Variants in CCSER1 observed in about 807,000 individuals in gnomAD.
CCSER1 encodes coiled-coil serine rich protein 1, also known as serine-rich coiled-coil domain-containing protein 1.
A neutral mutation model predicts 82.0 loss-of-function variants in CCSER1; 41 were observed. That is an observed-to-expected ratio of 0.50 (90% CI 0.39 to 0.65). CCSER1 has a LOEUF of 0.65. CCSER1 is among the 30% of genes least tolerant of loss of function. The probability of loss-of-function intolerance (pLI) is 0.00; values close to 1 mark genes in which losing one functional copy is unlikely to be tolerated. For missense variants in CCSER1, 1,119 were observed against 1,064.2 expected (o/e 1.05, Z -0.72); for synonymous variants, 414 against 383.9 (o/e 1.08, Z -0.92).
At chr4:91,329,779 T>C (rs769281977) in intron 10 of CCSER1, among the ~76,000 whole-genome samples, 2 of 152,170 alleles carry the variant, frequency 1.3e-5, no homozygotes, top group Non-Finnish European at 2.9e-5. Context: ...ATATTTCTTA[T>C]GTAAAATTGT....
intron 10 of CCSER1, among the ~76,000 whole-genome samples, chr4:91,201,764 G>A (rs1262797879): frequency 6.6e-6 from 1 of 151,972 alleles, no homozygotes; most frequent in Non-Finnish European, 1.5e-5. Context: ...TGGTATAAGT[G>A]CTATGATGCA....
chr4:90,719,699 A>T (rs1312765867), intron 6 of CCSER1, among the ~76,000 whole-genome samples: 1 of 152,112 alleles, frequency 6.6e-6, no homozygotes, highest in Non-Finnish European at 1.5e-5. Context: ...AAGACCATAG[A>T]TGTGAAGGAT....
chr4:90,281,912 C>T (rs766739828), intron 1 of CCSER1, among the ~76,000 whole-genome samples: 9 of 151,956 alleles, frequency 5.9e-5, no homozygotes, highest in South Asian at 2.1e-4. Flanking sequence ...TGGGAATACC[C>T]GTGATTGACT....
At chr4:91,108,981 G>A (rs1420297430) in intron 10 of CCSER1, among the ~76,000 whole-genome samples, 2 of 152,176 alleles carry the variant, frequency 1.3e-5, no homozygotes, top group African/African-American at 2.4e-5. Flanking sequence ...GAATGAAAAG[G>A]CAGAAGAAAG....
chr4:91,359,125 G>T (rs768936853), intron 10 of CCSER1, among the ~76,000 whole-genome samples: 1 of 148,174 alleles, frequency 6.7e-6, no homozygotes, highest in Non-Finnish European at 1.5e-5. Flanking sequence ...ACATGAAAGG[G>T]TCGTGATTGA....
At chr4:91,179,017 A>T (rs974440913) in intron 10 of CCSER1, among the ~76,000 whole-genome samples, 2 of 152,176 alleles carry the variant, frequency 1.3e-5, no homozygotes, top group African/African-American at 2.4e-5. Context: ...ATCTCTCAGC[A>T]TTTGCTTGTC....
chr4:90,219,761 C>T (rs1170417166), intron 1 of CCSER1, among the ~76,000 whole-genome samples: 1 of 152,134 alleles, frequency 6.6e-6, no homozygotes, highest in African/African-American at 2.4e-5. Context: ...GTTTTGATAT[C>T]ACTCTTGTAC....
chr4:90,165,036 A>G (rs776024765), intron 1 of CCSER1, among the ~76,000 whole-genome samples: 1 of 152,042 alleles, frequency 6.6e-6, no homozygotes, highest in African/African-American at 2.4e-5. Context: ...CACTGATGAC[A>G]TTTCTATCTT....
intron 7 of CCSER1, among the ~76,000 whole-genome samples, chr4:90,796,412 TA>T (rs1756038683): frequency 1.0e-5 from 1 of 100,294 alleles, no homozygotes; most frequent in African/African-American, 4.7e-5. Context: ...TCTATTGTAC[TA>T]AATTTAAAAA....
intron 1 of CCSER1, among the ~76,000 whole-genome samples, chr4:90,198,217 T>G (rs1229547304): frequency 6.6e-6 from 1 of 152,186 alleles, no homozygotes; most frequent in Non-Finnish European, 1.5e-5. Flanking sequence ...TGAAGTTGTG[T>G]GGGTGGGTGG....
intron 8 of CCSER1, among the ~76,000 whole-genome samples, chr4:90,822,284 A>G (rs944142386): frequency 4.6e-5 from 7 of 152,332 alleles, no homozygotes; most frequent in South Asian, 2.1e-4. Context: ...GGATAATCAC[A>G]TTACTAAATG....
At chr4:90,142,083 C>G (rs910145378) in intron 1 of CCSER1, among the ~76,000 whole-genome samples, 3 of 152,144 alleles carry the variant, frequency 2.0e-5, no homozygotes, top group African/African-American at 7.2e-5. Context: ...TAATGCCTTC[C>G]TATTCCAAAA....
rs563315026 is a variant in CCSER1 at position 91,466,450 on chromosome 4, G to T, written c.2218-132122G>T. Among the ~76,000 whole-genome samples the T allele has an allele frequency of 1.9e-4, 29 of 152,258 alleles. No homozygotes were observed. In the South Asian group the frequency reaches 6.0e-3, roughly 32 times the overall value. On this transcript the variant is annotated intron_variant, in intron 10 of 10. Coordinates refer to ENST00000509176, the MANE Select transcript of CCSER1 (RefSeq NM_001145065.2). ...TCCCTTTGAAAACTGGCACAAGACA[G>T]GGATGCCCTCTCTCACCACTCCTAT...
chr4:91,262,309 C>G (rs1352865535), intron 10 of CCSER1, among the ~76,000 whole-genome samples: 1 of 151,994 alleles, frequency 6.6e-6, no homozygotes, highest in Non-Finnish European at 1.5e-5. Context: ...ACAAAATAGA[C>G]TCTCAATACA....
In CCSER1 at chr4:90,132,077, CATAT is replaced by C. The variant is rs1479228369; in HGVS notation, c.-42+4253_-42+4256del. Among the ~76,000 whole-genome samples the C allele has an allele frequency of 7.9e-5, 12 of 152,156 alleles. 1 individual carries two copies. In the East Asian group the frequency reaches 2.3e-3, roughly 29 times the overall value. ...CAGATTAGTTGAATTAAAATATTTT[CATAT>C]ATATATTTTGTTGACAGTGAATAGA... is the stretch of plus-strand genomic sequence containing the variant. On this transcript the variant is annotated intron_variant, in intron 1 of 10. Coordinates refer to ENST00000509176, the MANE Select transcript of CCSER1 (RefSeq NM_001145065.2).
At chr4:90,417,906 A>T (rs1328385232) in intron 4 of CCSER1, among the ~76,000 whole-genome samples, 2 of 152,184 alleles carry the variant, frequency 1.3e-5, no homozygotes, top group Non-Finnish European at 2.9e-5. Flanking sequence ...ATAGAAATCA[A>T]CTATAAATTT....
chr4:90,649,813 A>G (rs72616096), intron 6 of CCSER1, among the ~76,000 whole-genome samples: 13,249 of 152,212 alleles, frequency 0.087, 714 homozygotes, highest in South Asian at 0.24. Context: ...TAGTGAAAAT[A>G]AAGGGTCAAG....
rs1725904160 is a variant in CCSER1, at chr4:90,146,861, G to A, written c.-42+19030G>A. Among the ~76,000 whole-genome samples the A allele has an allele frequency of 2.0e-5, 3 of 152,096 alleles. No individual in the cohort carries two copies. In the East Asian group the frequency reaches 5.8e-4, roughly 29 times the overall value. ...AGTATCAATGCTGCTAATAGTTTCT[G>A]TAACCACATGAATTATTTCCCTTTG... is the stretch of plus-strand genomic sequence containing the variant. On this transcript the variant is annotated intron_variant, in intron 1 of 10. Transcript: ENST00000509176.
intron 10 of CCSER1, among the ~76,000 whole-genome samples, chr4:91,220,853 A>G (rs1050177600): frequency 3.9e-5 from 6 of 152,312 alleles, no homozygotes; most frequent in African/African-American, 7.2e-5. Flanking sequence ...GCACTTCACT[A>G]TATATACATA....
Sources: gnomAD v4.1 joint callset for allele counts (sites outside exome capture counted in the v4.1 genomes callset) on GRCh38, gnomAD v4.1.1 for gene constraint, MANE v1.5 for transcripts, NCBI Gene and HGNC (gene_info 2026-07-23, HGNC 2026-07-21) for gene names.